The following GALNT1 variants were observed in gnomAD, a reference collection of about 807,000 sequenced individuals.
The protein encoded by GALNT1 is polypeptide N-acetylgalactosaminyltransferase 1, also known as GalNAc transferase 1.
In GALNT1, 17 loss-of-function variants were observed where a neutral mutation model predicts 65.7. That is an observed-to-expected ratio of 0.26 (90% CI 0.18 to 0.39). GALNT1 has a LOEUF of 0.39. GALNT1 is among the 10% of genes least tolerant of loss of function. GALNT1 has a pLI of 1.00. For synonymous variants in GALNT1, 210 were observed against 219.7 expected (o/e 0.96, Z 0.39); for missense variants, 460 against 672.8 (o/e 0.68, Z 3.50).
chr18:35,662,931 A>G (rs1290230496), intron 2 of GALNT1, among the ~76,000 whole-genome samples: 1 of 152,184 alleles, frequency 6.6e-6, no homozygotes, highest in African/African-American at 2.4e-5. Context: ...TCTTGTTCTA[A>G]TGGGAGGGGT....
rs181592044 is a variant in GALNT1 at position 35,668,403 on chromosome 18, G to A, written c.314+4601G>A. ...AATTATAAAGTAGAATACAAACATC[G>A]AGTATAGAGGCTCAACAAAGCTGAA... On this transcript the variant is annotated intron_variant, in intron 3 of 11. Transcript: ENST00000269195. 7.4e-4 allele frequency among the ~76,000 whole-genome samples: 112 copies of A among 152,118 alleles called. No individual in the cohort carries two copies. In the Middle Eastern group the frequency reaches 0.02, roughly 28 times the overall value.
chr18:35,664,289 C>T (rs1425444999), intron 3 of GALNT1: 1 of 153,884 alleles, frequency 6.5e-6, no homozygotes, highest in Non-Finnish European at 1.4e-5. Flanking sequence ...GTTATATTGA[C>T]CTCTCTAAAC....
Position 35,687,783 on chromosome 18 carries a change from G to A in GALNT1, c.860+597G>A, listed in dbSNP as rs985502310. Among the ~76,000 whole-genome samples the A allele has an allele frequency of 1.4e-4, 21 of 151,836 alleles. 1 individual carries two copies. The highest frequency in any genetic ancestry group is 1.5e-5 in the Non-Finnish European group (1 of 67,984). ...AATCTTCATGCTCTTTTTAGAACAT[G>A]AAATTGAGACCTTTGAGCTCTTCTG... is the stretch of plus-strand genomic sequence containing the variant. On this transcript the variant is annotated intron_variant, in intron 6 of 11. Coordinates refer to ENST00000269195, the MANE Select transcript of GALNT1 (RefSeq NM_020474.4).
intron 1 of GALNT1, among the ~76,000 whole-genome samples, chr18:35,587,821 C>G (rs1309390493): frequency 6.6e-6 from 1 of 152,192 alleles, no homozygotes; most frequent in Admixed American, 6.5e-5. Context: ...ACTGTTTTCT[C>G]TGTGTTCCAC....
At chr18:35,692,083 C>T in intron 8 of GALNT1, 98 bp from the exon 9 acceptor site, 3 of 1,050,518 alleles carry the variant, frequency 2.9e-6, no homozygotes, top group Non-Finnish European at 4.3e-6. Flanking sequence ...CCAGCTGATA[C>T]CACTGTTCTG....
chr18:35,675,942 T>C (rs1423815313), intron 3 of GALNT1, among the ~76,000 whole-genome samples: 2 of 152,158 alleles, frequency 1.3e-5, no homozygotes, highest in African/African-American at 4.8e-5. Flanking sequence ...CTTGCTCAGC[T>C]ATGATGTACC....
In GALNT1 at chr18:35,709,815, T is replaced by A; in HGVS notation, c.*45T>A. Reference sequence around the variant, plus strand: ...CGAAAAAAATAAGGATTGACTGGGCTACCTCAGCATACATTTCTGCCACAT... The same window carrying A: ...CGAAAAAAATAAGGATTGACTGGGCAACCTCAGCATACATTTCTGCCACAT... On this transcript the variant is annotated 3_prime_UTR_variant, in exon 12 of 12. Transcript: ENST00000269195. 6.2e-7 allele frequency: 1 copy of A among 1,602,366 alleles called. No individual in the cohort carries two copies. Among genetic ancestry groups the A allele is most frequent in the East Asian group, 2.3e-5 (1 of 44,356 alleles).
chr18:35,661,534 C>G (rs1220439111), intron 2 of GALNT1, among the ~76,000 whole-genome samples: 2 of 151,670 alleles, frequency 1.3e-5, no homozygotes, highest in African/African-American at 4.8e-5. Context: ...ATTAAACTCT[C>G]ATGTATCCAT....
chr18:35,635,576 G>T (rs1692682767), intron 1 of GALNT1, among the ~76,000 whole-genome samples: 1 of 152,168 alleles, frequency 6.6e-6, no homozygotes, highest in Admixed American at 6.5e-5. Flanking sequence ...AAACGGACCT[G>T]CTGTGTTAAC....
rs568392488 is a variant in GALNT1, at chr18:35,630,623, G to C, written c.-103-23937G>C. Among the ~76,000 whole-genome samples, 134 of 152,018 alleles carry C rather than the reference G, an allele frequency of 8.8e-4. 1 individual carries two copies. Among genetic ancestry groups the C allele is most frequent in the East Asian group, 3.5e-3 (18 of 5,172 alleles). On this transcript the variant is annotated intron_variant, in intron 1 of 11. Transcript: ENST00000269195. Reference sequence around the variant, plus strand: ...GCAGGAAAGATCCAAAATTGACACCGTAACATCACAATTAAAAGAACTAGA... The same window carrying C: ...GCAGGAAAGATCCAAAATTGACACCCTAACATCACAATTAAAAGAACTAGA...
chr18:35,624,825 C>A (rs1285862066), intron 1 of GALNT1, among the ~76,000 whole-genome samples: 1 of 152,142 alleles, frequency 6.6e-6, no homozygotes, highest in Non-Finnish European at 1.5e-5. Flanking sequence ...TTTCAATTGT[C>A]TTTCTTCCTT....
In GALNT1 at chr18:35,670,941, T is replaced by C. The variant is rs77846901; in HGVS notation, c.315-6650T>C. The stretch of plus-strand genomic sequence containing the variant: ...TTCAAGACAAAACTGAAACTGCATC[T>C]TTACCTCACATCATACAGAAAAATC... On this transcript the variant is annotated intron_variant, in intron 3 of 11. Transcript: ENST00000269195. Among the ~76,000 whole-genome samples the C allele has an allele frequency of 5.7e-3, 868 of 152,296 alleles. 21 individuals carry two copies. In the East Asian group the frequency reaches 0.066, roughly 11 times the overall value.
chr18:35,632,765 C>T (rs2047032155), intron 1 of GALNT1, among the ~76,000 whole-genome samples: 2 of 152,112 alleles, frequency 1.3e-5, no homozygotes, highest in African/African-American at 2.4e-5. Context: ...GAACAGGCAA[C>T]CTACAGAATG....
At chr18:35,706,514 T>A (rs923416251) in intron 11 of GALNT1, among the ~76,000 whole-genome samples, 4 of 151,842 alleles carry the variant, frequency 2.6e-5, no homozygotes, top group South Asian at 2.1e-4. Context: ...AAAATAAAAT[T>A]AAATTTTAAA....
intron 1 of GALNT1, among the ~76,000 whole-genome samples, chr18:35,636,116 G>A (rs1280159386): frequency 6.6e-6 from 1 of 152,138 alleles, no homozygotes; most frequent in Non-Finnish European, 1.5e-5. Flanking sequence ...CAAAGTGGAT[G>A]GTGACAGTCC....
intron 1 of GALNT1, among the ~76,000 whole-genome samples, chr18:35,615,834 A>G (rs2046776988): frequency 6.6e-6 from 1 of 152,234 alleles, no homozygotes; most frequent in Non-Finnish European, 1.5e-5. Flanking sequence ...ACAAAATTGT[A>G]AAAGTTGGAC....
At chr18:35,604,207 A>G in intron 1 of GALNT1, among the ~76,000 whole-genome samples, 1 of 152,134 alleles carries the variant, frequency 6.6e-6, no homozygotes, top group South Asian at 2.1e-4. Context: ...ACTTAGGATA[A>G]TGGCCTCTAT....
chr18:35,709,510 T>G lies in GALNT1; in HGVS notation c.1534-114T>G, dbSNP rs992806656. Reference sequence around the variant, plus strand: ...TACCTTTTCTCCGTTGTCTTTTAAATAATGTATATTACCAAAAAAAACACC... The same window carrying G: ...TACCTTTTCTCCGTTGTCTTTTAAAGAATGTATATTACCAAAAAAAACACC... On this transcript the variant is annotated intron_variant, in intron 11 of 11. Transcript: ENST00000269195. The G allele has an allele frequency of 4.1e-6, 4 of 973,346 alleles. No homozygotes were observed. The African/African-American group carries it at 6.6e-5, about 16-fold the overall frequency. 60.3% of individuals were successfully genotyped at this position (973,346 alleles called of 1,614,324 possible).
chr18:35,688,861 TA>T (rs1568033033), intron 6 of GALNT1, among the ~76,000 whole-genome samples: 1 of 152,122 alleles, frequency 6.6e-6, no homozygotes, highest in Non-Finnish European at 1.5e-5. Context: ...GTTTGAGATC[TA>T]AACTCAGTTA....
Sources: allele counts gnomAD v4.1 joint callset (sites outside exome capture counted in the v4.1 genomes callset), GRCh38; gene constraint gnomAD v4.1.1; transcripts MANE v1.5; gene names NCBI Gene and HGNC (gene_info 2026-07-23, HGNC 2026-07-21).